HIBCH: variants seen among roughly 807,000 people sequenced by gnomAD.
The protein encoded by HIBCH is 3-hydroxyisobutyryl-CoA hydrolase, mitochondrial.
In HIBCH, 50 loss-of-function variants were observed where a neutral mutation model predicts 58.2. The ratio of observed to expected loss-of-function variants is 0.86; its 90% CI spans 0.68 to 1.09. The LOEUF is 1.09. Among genes scored for constraint, HIBCH ranks in the 50% least tolerant of loss-of-function variants. HIBCH has a pLI of 0.00. For synonymous variants in HIBCH, 151 were observed against 146.9 expected, an observed-to-expected ratio of 1.03 and a Z score of -0.20; for missense variants, 450 against 449.7, an observed-to-expected ratio of 1.00 and a Z score of -0.01.
At chr2:190,308,689 C>G (rs1559065529) in intron 2 of HIBCH, among the ~76,000 whole-genome samples, 2 of 152,242 alleles carry the variant, frequency 1.3e-5, no homozygotes, top group Non-Finnish European at 2.9e-5. Context: ...ACCTCCGTAA[C>G]GATAAGAAAT....
Position 190,215,084 on chromosome 2 carries a change from T to G in HIBCH, c.892-2009A>C, listed in dbSNP as rs1239177108. 1 of 152,190 alleles carries G rather than the reference T, an allele frequency of 6.6e-6. No homozygotes were observed. The highest frequency in any genetic ancestry group is 1.5e-5 in the Non-Finnish European group (1 of 68,050). The allele number at this position is 152,190 out of a possible 1,614,324, so 9.4% of individuals were successfully genotyped here. On this transcript the variant is annotated intron_variant, in intron 11 of 13. Coordinates refer to ENST00000359678, the MANE Select transcript of HIBCH (RefSeq NM_014362.4). This position sits in a 1 kb window ranked among gnomAD's most constrained non-coding sequence, Gnocchi z 4.4. ...AGGAAATGAGGCCATTCTTGGAAGA[T>G]CCCCTCGGTTTAGCAGAGCAAACCT...
Position 190,215,770 on chromosome 2 carries a change from G to C in HIBCH, c.892-2695C>G, listed in dbSNP as rs1690613986. 6.6e-6 allele frequency: 1 copy of C among 152,408 alleles called. No individual in the cohort carries two copies. The highest frequency in any genetic ancestry group is 1.5e-5 in the Non-Finnish European group (1 of 68,190). 9.4% of individuals were successfully genotyped at this position (152,408 alleles called of 1,614,324 possible). A position where few individuals can be genotyped will look rare whatever the true frequency, so the allele number is the denominator to read the frequency against. On this transcript the variant is annotated intron_variant, in intron 11 of 13. Coordinates refer to ENST00000359678, the MANE Select transcript of HIBCH (RefSeq NM_014362.4). The surrounding 1 kb of genome is among the most constrained non-coding windows in gnomAD (Gnocchi z 4.4). ...GGGCCAGAGAAAGAGTTAAGCTGCT[G>C]ACCCTGAAGGCAAGGGAAAGCCTGG...
intron 4 of HIBCH, among the ~76,000 whole-genome samples, chr2:190,291,034 G>A (rs75797383): frequency 6.6e-6 from 1 of 152,018 alleles, no homozygotes; most frequent in African/African-American, 2.4e-5. Context: ...ATAATATATT[G>A]CAACAAGCTA....
At chr2:190,260,110 G>C (rs992591103) in intron 7 of HIBCH, among the ~76,000 whole-genome samples, 1 of 149,664 alleles carries the variant, frequency 6.7e-6, no homozygotes, top group Non-Finnish European at 1.5e-5. Flanking sequence ...ATTAGAAAAA[G>C]GAAAGGAAAA....
chr2:190,250,737 A>G (rs1212372844), intron 8 of HIBCH, among the ~76,000 whole-genome samples: 2 of 152,218 alleles, frequency 1.3e-5, no homozygotes, highest in African/African-American at 2.4e-5. Context: ...CCTTCATAAC[A>G]GTTTACAGAG....
chr2:190,224,561 G>C (rs995338898), intron 11 of HIBCH, among the ~76,000 whole-genome samples: 4 of 152,030 alleles, frequency 2.6e-5, no homozygotes, highest in Admixed American at 1.3e-4. Context: ...ATGGTAAAGG[G>C]ATCAATTCAA....
chr2:190,271,282 CTTTTTT>C (rs35074167), intron 6 of HIBCH, among the ~76,000 whole-genome samples: 3 of 83,784 alleles, frequency 3.6e-5, no homozygotes, highest in African/African-American at 1.5e-4. Context: ...CTCTACCCTA[CTTTTTT>C]TTTTTTTTTT....
rs1271409198 is a variant in HIBCH at position 190,310,609 on chromosome 2, G to T, written c.78+145C>A. The T allele has an allele frequency of 9.4e-6, 7 of 743,408 alleles. No homozygotes were observed. In the African/African-American group the frequency reaches 1.2e-4, roughly 13 times the overall value. The allele number at this position is 743,408 out of a possible 1,614,324, so 46.1% of individuals were successfully genotyped here. On this transcript the variant is annotated intron_variant, in intron 2 of 13. Transcript: ENST00000359678. ...TTATGCCACCTCCTACAAGGTGCGT[G>T]TGCCATGTCTTGACACTCAGTTGAG...
intron 6 of HIBCH, among the ~76,000 whole-genome samples, chr2:190,270,280 T>TAAAA (rs1553502973): frequency 1.3e-4 from 20 of 148,350 alleles, no homozygotes; most frequent in African/African-American, 4.0e-4. Flanking sequence ...TTTTTTTTTT[T>TAAAA]AAAAAAAAAG....
intron 1 of HIBCH, among the ~76,000 whole-genome samples, chr2:190,319,302 C>A (rs563333330): frequency 6.6e-6 from 1 of 152,352 alleles, no homozygotes; most frequent in South Asian, 2.1e-4. Flanking sequence ...AATAAAATCA[C>A]ACCACGGGCA....
chr2:190,299,502 G>GAT (rs10652122), intron 2 of HIBCH, among the ~76,000 whole-genome samples: 107,717 of 142,144 alleles, frequency 0.76, 38,861 homozygotes, highest in Non-Finnish European at 0.79. Context: ...ATCAAAGTCT[G>GAT]ATACACACAC....
Position 190,304,610 on chromosome 2 carries a change from G to A in HIBCH, c.78+6144C>T, listed in dbSNP as rs770492394. Among the ~76,000 whole-genome samples the A allele has an allele frequency of 3.9e-5, 6 of 152,148 alleles. No homozygotes were observed. Among genetic ancestry groups the A allele is most frequent in the South Asian group, 2.1e-4 (1 of 4,828 alleles). On this transcript the variant is annotated intron_variant, in intron 2 of 13. Coordinates refer to ENST00000359678, the MANE Select transcript of HIBCH (RefSeq NM_014362.4). The surrounding 1 kb of genome is among the most constrained non-coding windows in gnomAD (Gnocchi z 4.1). The stretch of plus-strand genomic sequence containing the variant: ...TGGAGCGGGCAAATATTCAAACCAC[G>A]AAACCAATATTCTCAGTTTTGATAA...
chr2:190,259,007 G>A (rs1687009394), intron 7 of HIBCH, among the ~76,000 whole-genome samples: 1 of 152,116 alleles, frequency 6.6e-6, no homozygotes, highest in African/African-American at 2.4e-5. Flanking sequence ...GTACTATGCT[G>A]TTTTGATTAC....
chr2:190,199,979 C>T (rs781728277), downstream of HIBCH: 3 of 1,614,126 alleles, frequency 1.9e-6, no homozygotes, highest in South Asian at 3.3e-5. Context: ...AGGATGGCTT[C>T]TCCAGTTAAT....
rs1687907538 is a variant in HIBCH, at chr2:190,289,317, A to C, written c.385+1088T>G. ...TTTTTATGCCAATATATAAATGTTT[A>C]TTTGTCTAAAAGGCACATGACAAAA... On this transcript the variant is annotated intron_variant, in intron 5 of 13. Coordinates refer to ENST00000359678, the MANE Select transcript of HIBCH (RefSeq NM_014362.4). Among the ~76,000 whole-genome samples, 4 of 152,268 alleles carry C rather than the reference A, an allele frequency of 2.6e-5. No homozygotes were observed. In the South Asian group the frequency reaches 8.3e-4, roughly 32 times the overall value.
downstream of HIBCH, chr2:190,201,600 A>AG (rs1690245438): frequency 6.0e-6 from 1 of 167,068 alleles, no homozygotes; most frequent in African/African-American, 2.4e-5. Context: ...TAATACTTTG[A>AG]AACCCACAAT....
intron 6 of HIBCH, among the ~76,000 whole-genome samples, chr2:190,264,879 T>G (rs1054421486): frequency 6.6e-6 from 1 of 151,920 alleles, no homozygotes; most frequent in Admixed American, 6.6e-5. Context: ...TCCCAGCACT[T>G]TGGGAGGCCG....
At chr2:190,191,136 A>AT (rs1162481483) in intron 1 of HIBCH, among the ~76,000 whole-genome samples, 4 of 151,870 alleles carry the variant, frequency 2.6e-5, no homozygotes, top group Admixed American at 6.6e-5. Context: ...TTTGCATACA[A>AT]TTTTTTTTCT....
rs1469501527 is a variant in HIBCH at position 190,315,340 on chromosome 2, A to G, written c.35+4376T>C. 6.6e-6 allele frequency among the ~76,000 whole-genome samples: 1 copy of G among 152,202 alleles called. No individual in the cohort carries two copies. The highest frequency in any genetic ancestry group is 1.5e-5 in the Non-Finnish European group (1 of 68,044). On this transcript the variant is annotated intron_variant, in intron 1 of 13. Coordinates refer to ENST00000359678, the MANE Select transcript of HIBCH (RefSeq NM_014362.4). The surrounding 1 kb of genome is among the most constrained non-coding windows in gnomAD (Gnocchi z 5.4). Reference sequence around the variant, plus strand: ...TTTTTAGAACAGTTATTCTCAAAGTATGGTTCTTGGACAAGTACCATCAAC... The same window carrying G: ...TTTTTAGAACAGTTATTCTCAAAGTGTGGTTCTTGGACAAGTACCATCAAC...
Sources: gnomAD v4.1 joint callset for allele counts (sites outside exome capture counted in the v4.1 genomes callset) on GRCh38, gnomAD v4.1.1 for gene constraint, Gnocchi (gnomAD v3.1) non-coding constraint, MANE v1.5 for transcripts, NCBI Gene and HGNC (gene_info 2026-07-23, HGNC 2026-07-21) for gene names.